The following KIAA0319 variants were observed in gnomAD, a reference collection of about 807,000 sequenced individuals.
KIAA0319 encodes dyslexia-associated protein KIAA0319.
Under a neutral mutation model 108.4 loss-of-function variants are expected in KIAA0319, and 83 were observed. The observed-to-expected ratio is 0.77, with a 90% CI of 0.64 to 0.92. The LOEUF is 0.92. Ranked by LOEUF, KIAA0319 falls within the 40% of genes least tolerant of loss-of-function variation. The probability of loss-of-function intolerance (pLI) is 0.00; values close to 1 mark genes in which losing one functional copy is unlikely to be tolerated. For synonymous variants in KIAA0319, 484 were observed against 510.4 expected, an observed-to-expected ratio of 0.95 and a Z score of 0.70; for missense variants, 1,195 against 1,322.4, an observed-to-expected ratio of 0.90 and a Z score of 1.49.
intron 9 of KIAA0319, 71 bp from the exon 10 acceptor site, chr6:24,576,667 C>T (rs1765584074): frequency 8.1e-7 from 1 of 1,228,514 alleles, no homozygotes; most frequent in Admixed American, 1.7e-5. Flanking sequence ...CGCCTGTAAT[C>T]CCAACACTGT....
chr6:24,582,246 T>C lies in KIAA0319; in HGVS notation c.1191+3A>G, dbSNP rs1766683131. 6.6e-7 allele frequency: 1 copy of C among 1,516,822 alleles called. No homozygotes were observed. Among genetic ancestry groups the C allele is most frequent in the South Asian group, 1.1e-5 (1 of 89,074 alleles). The allele number at this position is 1,516,822 out of a possible 1,614,324, so 94.0% of individuals were successfully genotyped here. A position where few individuals can be genotyped will look rare whatever the true frequency, so the allele number is the denominator to read the frequency against. ...TAGACACAACCAGTCTCCAGTTACTTACTTGAGAGAGGTTAAGAGTTTGCT... is the reference window on the plus strand; with the variant it reads ...TAGACACAACCAGTCTCCAGTTACTCACTTGAGAGAGGTTAAGAGTTTGCT... On this transcript the variant is annotated splice_donor_region_variant and intron_variant, in intron 6 of 20. Transcript: ENST00000378214.
intron 11 of KIAA0319, among the ~76,000 whole-genome samples, chr6:24,570,725 G>A (rs1764610846): frequency 1.3e-5 from 2 of 151,608 alleles, no homozygotes; most frequent in African/African-American, 2.4e-5. Flanking sequence ...AGGGGACAAA[G>A]GGACATCACA....
chr6:24,559,359 A>G (rs9467231), intron 16 of KIAA0319, among the ~76,000 whole-genome samples: 29,585 of 152,200 alleles, frequency 0.19, 2,959 homozygotes, highest in Middle Eastern at 0.26. Context: ...CAGCTGATCA[A>G]AGACAGACAG....
chr6:24,551,328 G>A (rs923221307), intron 20 of KIAA0319, 106 bp downstream of exon 20: 1 of 772,734 alleles, frequency 1.3e-6, no homozygotes, highest in Non-Finnish European at 2.3e-6. Flanking sequence ...CCCAATTAAA[G>A]TGCTGACTCC....
chr6:24,573,186 G>C (rs1037877047), intron 10 of KIAA0319, among the ~76,000 whole-genome samples: 3 of 152,168 alleles, frequency 2.0e-5, no homozygotes, highest in Non-Finnish European at 4.4e-5. Flanking sequence ...TTGAAGGAGT[G>C]TAAACTACCA....
chr6:24,601,640 G>C (rs1413044167), intron 1 of KIAA0319, among the ~76,000 whole-genome samples: 1 of 152,216 alleles, frequency 6.6e-6, no homozygotes, highest in African/African-American at 2.4e-5. Flanking sequence ...CAGCTCGCTA[G>C]AAGTGGGGCA....
intron 1 of KIAA0319, among the ~76,000 whole-genome samples, chr6:24,633,160 A>C (rs916259042): frequency 1.4e-4 from 21 of 152,232 alleles, no homozygotes; most frequent in African/African-American, 5.1e-4. Context: ...GCATTGCAGT[A>C]ACACTGTGAG....
At chr6:24,634,275 A>G (rs1034278541) in intron 1 of KIAA0319, among the ~76,000 whole-genome samples, 1 of 152,220 alleles carries the variant, frequency 6.6e-6, no homozygotes, top group African/African-American at 2.4e-5. Flanking sequence ...AGAATAAAAT[A>G]CAAGCACACC....
In KIAA0319 at chr6:24,559,004, G is replaced by A. The variant is rs958947925; in HGVS notation, c.2734+9C>T. 2 of 1,606,446 alleles carry A rather than the reference G, an allele frequency of 1.2e-6. No homozygotes were observed. The highest frequency in any genetic ancestry group is 1.7e-6 in the Non-Finnish European group (2 of 1,176,804). On this transcript the variant is annotated intron_variant, in intron 17 of 20. Coordinates refer to ENST00000378214, the MANE Select transcript of KIAA0319 (RefSeq NM_014809.4). Reference sequence around the variant, plus strand: ...CTGATTGTTTTAGAATATTCCATAGGAGACCTACCTGCTGTATCAACCCTC... The same window carrying A: ...CTGATTGTTTTAGAATATTCCATAGAAGACCTACCTGCTGTATCAACCCTC...
chr6:24,594,814 CTTTT>C (rs971527350), intron 3 of KIAA0319, among the ~76,000 whole-genome samples: 1 of 150,994 alleles, frequency 6.6e-6, no homozygotes, highest in African/African-American at 2.4e-5. Context: ...GTACTCCAAG[CTTTT>C]TTTTTACTTT....
intron 4 of KIAA0319, among the ~76,000 whole-genome samples, chr6:24,587,878 G>A (rs763194428): frequency 8.5e-5 from 13 of 152,162 alleles, no homozygotes; most frequent in South Asian, 8.3e-4. Flanking sequence ...GTGAGCCACC[G>A]GGCTCATCCC....
chr6:24,604,719 G>A (rs1466171427), intron 1 of KIAA0319, among the ~76,000 whole-genome samples: 1 of 152,046 alleles, frequency 6.6e-6, no homozygotes, highest in Non-Finnish European at 1.5e-5. Context: ...TTTCTTTGGG[G>A]GTACTTTAAT....
At position 24,551,485 on chromosome 6, in the gene KIAA0319, T is replaced by C. The variant is rs993765622; in HGVS notation, c.2989A>G (p.Ile997Val). 1.2e-6 allele frequency: 2 copies of C among 1,612,774 alleles called. No individual in the cohort carries two copies. The highest frequency in any genetic ancestry group is 1.7e-4 in the Middle Eastern group (1 of 6,058). The change falls in exon 20 of 21, where the codon ATC (isoleucine) becomes GTC (valine). Residue 997 changes from isoleucine (I) to valine (V), a missense_variant. Ile to Val is a conservative substitution (Grantham distance 29, BLOSUM62 3). Transcript: ENST00000378214. ...TCCTGTTCATCCATGTTATCCAGGA[T>C]GGTGTACTTTGTTTTTTTCCTGATT... ...TKIRKKTKYTILDNMDEQERM... is the reference protein window; with the variant it reads ...TKIRKKTKYTVLDNMDEQERM...
intron 2 of KIAA0319, chr6:24,598,824 C>T (rs1443417009): frequency 1.1e-5 from 3 of 268,074 alleles, no homozygotes; most frequent in Admixed American, 4.4e-5. Context: ...TGCAGTGAGC[C>T]GAGATCATGC....
At chr6:24,588,811 T>C (rs1767975513) in intron 3 of KIAA0319, 26 bp from the exon 4 acceptor site, 1 of 1,580,124 alleles carries the variant, frequency 6.3e-7, no homozygotes. Flanking sequence ...CAAGGATAAA[T>C]TGTTATTAAA....
chr6:24,609,279 AAAAAAAAAAAG>A (rs1181242079), intron 1 of KIAA0319, among the ~76,000 whole-genome samples: 23 of 150,400 alleles, frequency 1.5e-4, no homozygotes, highest in African/African-American at 5.1e-4. Context: ...AAAACAAAAA[AAAAAAAAAAAG>A]AAAAAAAAAA....
rs1170581478 is a variant in KIAA0319 at position 24,595,230 on chromosome 6, A to G, written c.801+643T>C. ...GTATGTGCTGGCCCCAGGGACTTCT[A>G]TACCATCTCCCGTTGCCTTAAATGT... is the stretch of plus-strand genomic sequence containing the variant. On this transcript the variant is annotated intron_variant, in intron 3 of 20. Transcript: ENST00000378214. 2.6e-5 allele frequency among the ~76,000 whole-genome samples: 4 copies of G among 152,078 alleles called. No homozygotes were observed. In the East Asian group the frequency reaches 7.7e-4, roughly 29 times the overall value.
chr6:24,597,934 A>AAAAAC (rs1769951051), intron 2 of KIAA0319: 2 of 153,568 alleles, frequency 1.3e-5, no homozygotes, highest in Non-Finnish European at 2.8e-5. Flanking sequence ...AAAAAAAAAA[A>AAAAAC]AAAAAAAAAA....
At chr6:24,589,316 C>T (rs556373932) in intron 3 of KIAA0319, among the ~76,000 whole-genome samples, 31 of 152,292 alleles carry the variant, frequency 2.0e-4, no homozygotes, top group African/African-American at 7.5e-4. Flanking sequence ...AAGAAACCCT[C>T]GCCAAGAACC....
Sources: allele counts gnomAD v4.1 joint callset (sites outside exome capture counted in the v4.1 genomes callset), GRCh38; gene constraint gnomAD v4.1.1; transcripts MANE v1.5; gene names NCBI Gene and HGNC (gene_info 2026-07-23, HGNC 2026-07-21).